The following SYNRG variants were observed in gnomAD, a reference collection of about 807,000 sequenced individuals.
The protein encoded by SYNRG is AP1 gamma subunit binding protein 1.
Under a neutral mutation model 130.9 loss-of-function variants are expected in SYNRG, and 37 were observed. The ratio of observed to expected loss-of-function variants is 0.28; its 90% CI spans 0.22 to 0.37. The LOEUF (loss-of-function observed/expected upper bound fraction) is 0.37, where lower values mean the gene tolerates loss of function less well. SYNRG is among the 10% of genes least tolerant of loss of function. The pLI is 1.00. For missense variants in SYNRG, 1,338 were observed against 1,588.9 expected, an observed-to-expected ratio of 0.84 and a Z score of 2.68; for synonymous variants, 539 against 568.1, an observed-to-expected ratio of 0.95 and a Z score of 0.73.
intron 2 of SYNRG, among the ~76,000 whole-genome samples, chr17:37,597,457 A>G (rs1055496838): frequency 2.0e-5 from 3 of 152,390 alleles, no homozygotes; most frequent in Middle Eastern, 3.4e-3. Context: ...TCTGGGAGCC[A>G]ACTAGAAATG....
chr17:37,589,566 C>G (rs954932999), intron 3 of SYNRG, among the ~76,000 whole-genome samples: 2 of 151,594 alleles, frequency 1.3e-5, no homozygotes, highest in South Asian at 4.2e-4. Context: ...CTGGCTAACA[C>G]GATGAAATCC....
At chr17:37,529,432 A>T (rs2056353445) in intron 19 of SYNRG, among the ~76,000 whole-genome samples, 1 of 151,588 alleles carries the variant, frequency 6.6e-6, no homozygotes, top group Admixed American at 6.6e-5. Context: ...GGAGTAGTCT[A>T]TATCTTGATA....
At chr17:37,585,785 A>G (rs1449206053) in intron 4 of SYNRG, among the ~76,000 whole-genome samples, 1 of 152,228 alleles carries the variant, frequency 6.6e-6, no homozygotes, top group Non-Finnish European at 1.5e-5. Flanking sequence ...TTGGGAAGGC[A>G]GTGTCATACA....
At chr17:37,608,827 A>C (rs1057181368) in intron 1 of SYNRG, among the ~76,000 whole-genome samples, 10 of 151,708 alleles carry the variant, frequency 6.6e-5, no homozygotes, top group East Asian at 1.9e-4. Context: ...CCACACACAC[A>C]CCCCCCTTGG....
Position 37,536,046 on chromosome 17 carries a change from T to G in SYNRG, c.3599A>C (p.Gln1200Pro). Residue 1200 changes from glutamine (Q) to proline (P), a missense_variant, in exon 19 of 22, where the codon CAG becomes CCG. Gln to Pro is a moderately conservative substitution (Grantham distance 76). Transcript: ENST00000612223. ...ATAVCSEKLQ[Q>P]LLKDIDKVWN... Reference sequence around the variant, plus strand: ...TACTTTATCGATGTCCTTCAGCAACTGCTGGAGTTTCTCACTGCACACTGC... The same window carrying G: ...TACTTTATCGATGTCCTTCAGCAACGGCTGGAGTTTCTCACTGCACACTGC... The G allele has an allele frequency of 6.2e-7, 1 of 1,614,216 alleles. No individual in the cohort carries two copies. Among genetic ancestry groups the G allele is most frequent in the African/African-American group, 1.3e-5 (1 of 75,072 alleles).
rs758583661 is a variant in SYNRG, at chr17:37,542,115, C to T, written c.3059G>A (p.Cys1020Tyr). ...TTGAAACTCTCCAAAGTCATCCGAA[C>T]ATTCGTTCGGGGTTTCTTGAGAGGC... ...SGASQETPNE[C>Y]SDDFGEFQSE... The change falls in exon 15 of 22, where the codon TGT becomes TAT. Residue 1020 changes from cysteine (C) to tyrosine (Y), a missense_variant. Cys to Tyr is a radical substitution (Grantham distance 194). Coordinates refer to ENST00000612223, the MANE Select transcript of SYNRG (RefSeq NM_007247.6). 6.2e-7 allele frequency: 1 copy of T among 1,614,208 alleles called. No individual in the cohort carries two copies. The highest frequency in any genetic ancestry group is 1.1e-5 in the South Asian group (1 of 91,092).
Position 37,596,213 on chromosome 17 carries a change from A to C in SYNRG, c.240+10T>G, listed in dbSNP as rs2062758322. On this transcript the variant is annotated intron_variant, in intron 3 of 21. Coordinates refer to ENST00000612223, the MANE Select transcript of SYNRG (RefSeq NM_007247.6). ...TAACTTTGTAAGAAACCAACTAAAG[A>C]AGCAAGTACCTGCATAGCAATAGGT... is the stretch of plus-strand genomic sequence containing the variant. The C allele has an allele frequency of 4.3e-6, 7 of 1,612,534 alleles. No individual in the cohort carries two copies. Among genetic ancestry groups the C allele is most frequent in the Middle Eastern group, 1.7e-4 (1 of 6,052 alleles).
At position 37,520,571 on chromosome 17, in the gene SYNRG, T is replaced by TC. The variant is rs1568238083; in HGVS notation, c.3743dup (p.Val1249SerfsTer22). 1 of 1,614,068 alleles carries TC rather than the reference T, an allele frequency of 6.2e-7. No individual in the cohort carries two copies. On this transcript the variant is annotated frameshift_variant, in exon 20 of 22. Coordinates refer to ENST00000612223, the MANE Select transcript of SYNRG (RefSeq NM_007247.6). LOFTEE classifies it high-confidence loss of function. Reference sequence around the variant, plus strand: ...TCGAGTCCACATTCAAGAGGCACACTCCACAGGCAAGCTCCTGAGCATTTT... The same window carrying TC: ...TCGAGTCCACATTCAAGAGGCACACTCCCACAGGCAAGCTCCTGAGCATTTT...
In SYNRG at chr17:37,553,925, T is replaced by C. The variant is rs140977056; in HGVS notation, c.1798A>G (p.Ile600Val). 88 of 1,611,568 alleles carry C rather than the reference T, an allele frequency of 5.5e-5. No individual in the cohort carries two copies. The African/African-American group carries it at 9.2e-4, about 17-fold the overall frequency. Residue 600 changes from isoleucine to valine, a missense_variant, in exon 14 of 22, where the codon ATA (isoleucine) becomes GTA (valine). Physicochemically the swap from Ile to Val is conservative, Grantham distance 29. This residue lies in a region of SYNRG where 1,146 missense variants were observed against 1,342.3 expected (regional missense o/e 0.85). Coordinates refer to ENST00000612223, the MANE Select transcript of SYNRG (RefSeq NM_007247.6). ...ACTTGTGTTTGTTGTTTCTGTTGTA[T>C]AGTTCCTGAGGGGAAGGATGGTGGA... The part of the protein sequence containing the change: ...TFPPSFPSGT[I>V]QQKQQTQVKN...
chr17:37,524,118 CA>C (rs936808169), intron 19 of SYNRG, among the ~76,000 whole-genome samples: 1 of 152,126 alleles, frequency 6.6e-6, no homozygotes, highest in Non-Finnish European at 1.5e-5. Context: ...GCCAGGCAGT[CA>C]AGCATCTGGG....
rs1239828330 is a variant in SYNRG, at chr17:37,561,255, G to A, written c.1603C>T (p.Pro535Ser). The change falls in exon 13 of 22, where the codon CCT becomes TCT. Residue 535 changes from proline (P) to serine (S), a missense_variant and splice_region_variant. Pro to Ser is a moderately conservative substitution (Grantham distance 74, BLOSUM62 -1). Transcript: ENST00000612223. ...SSENTVPPGD[P>S]GDKYSAFREL... ...CTGAAAGCACTATATTTATCACCAG[G>A]ATCTATGATAGAAAGGACAGAAGCT... 2.5e-6 allele frequency: 4 copies of A among 1,613,410 alleles called. No homozygotes were observed. In the Admixed American group the frequency reaches 6.7e-5, roughly 27 times the overall value.
At chr17:37,565,762 T>A (rs544599713) in intron 11 of SYNRG, among the ~76,000 whole-genome samples, 1 of 149,446 alleles carries the variant, frequency 6.7e-6, no homozygotes, top group East Asian at 2.0e-4. Flanking sequence ...GAGGAGCGTC[T>A]CTGCCCGGCC....
chr17:37,529,129 C>T (rs1422520851), intron 19 of SYNRG, among the ~76,000 whole-genome samples: 1 of 152,148 alleles, frequency 6.6e-6, no homozygotes, highest in Non-Finnish European at 1.5e-5. Context: ...GAAAAGGATG[C>T]TTGGAATGGG....
chr17:37,522,153 A>G (rs1386293203), intron 19 of SYNRG, among the ~76,000 whole-genome samples: 1 of 151,790 alleles, frequency 6.6e-6, no homozygotes, highest in Non-Finnish European at 1.5e-5. Flanking sequence ...ACACACACAC[A>G]CACAATGGTT....
rs762283992 is a variant in SYNRG, at chr17:37,553,560, A to G, written c.2163T>C (p.Pro721=). The G allele has an allele frequency of 2.5e-6, 4 of 1,614,230 alleles. No homozygotes were observed. The highest frequency in any genetic ancestry group is 3.4e-6 in the Non-Finnish European group (4 of 1,180,042). Reference sequence around the variant, plus strand: ...TGCCCACGTTGCTGGTTAGAGGAACAGGACTGGCTTCCTCTTTAAGGGCAT... The same window carrying G: ...TGCCCACGTTGCTGGTTAGAGGAACGGGACTGGCTTCCTCTTTAAGGGCAT... The part of the protein sequence containing the change: ...KYDALKEEAS[P]VPLTSNVGST... Residue 721 remains proline, a synonymous_variant, in exon 14 of 22, where the codon CCT becomes CCC. Coordinates refer to ENST00000612223, the MANE Select transcript of SYNRG (RefSeq NM_007247.6).
Position 37,600,136 on chromosome 17 carries a change from T to C in SYNRG, c.118+227A>G, listed in dbSNP as rs372283982. Among the ~76,000 whole-genome samples, 5 of 152,384 alleles carry C rather than the reference T, an allele frequency of 3.3e-5. No homozygotes were observed. The East Asian group carries it at 7.7e-4, about 23-fold the overall frequency. ...TTAAACAATCTATGAACATAATGTC[T>C]ATGTAAGTTTGGGAGAAACGAGGAG... On this transcript the variant is annotated intron_variant, in intron 2 of 21. Transcript: ENST00000612223.
Position 37,570,747 on chromosome 17 carries a change from T to C in SYNRG, c.1237A>G (p.Met413Val). The C allele has an allele frequency of 1.9e-6, 3 of 1,614,180 alleles. No homozygotes were observed. Among genetic ancestry groups the C allele is most frequent in the Non-Finnish European group, 2.5e-6 (3 of 1,180,038 alleles). ...TVIPSGPAGS[M>V]PLSLGQPVMG... ...ACTGGCTGTCCAAGGCTGAGGGGCATGGAGCCCGCAGGACCTGAAGGTATC... is the reference window on the plus strand; with the variant it reads ...ACTGGCTGTCCAAGGCTGAGGGGCACGGAGCCCGCAGGACCTGAAGGTATC... Residue 413 changes from methionine (M) to valine (V), a missense_variant, in exon 10 of 22, where the codon ATG becomes GTG. Met to Val is a conservative substitution (Grantham distance 21). This residue lies in a region of SYNRG where 1,146 missense variants were observed against 1,342.3 expected (regional missense o/e 0.85). Transcript: ENST00000612223.
In SYNRG at chr17:37,600,365, T is replaced by C; in HGVS notation, c.116A>G (p.Gln39Arg). 3 of 1,611,386 alleles carry C rather than the reference T, an allele frequency of 1.9e-6. No individual in the cohort carries two copies. The highest frequency in any genetic ancestry group is 1.3e-5 in the African/African-American group (1 of 74,880). Residue 39 changes from glutamine (Q) to arginine (R), a missense_variant and splice_region_variant, in exon 2 of 22, where the codon CAA (glutamine) becomes CGA (arginine). Physicochemically the swap from Gln to Arg is conservative, Grantham distance 43 (BLOSUM62 1). Transcript: ENST00000612223. ...TCAAAACTTAAGCTCTCACATACCT[T>C]GAGGGGGTCTTATCCCACCTGCAAC... ...FPVAGGIRPP[Q>R]AGLMPMQQQG...
intron 1 of SYNRG, among the ~76,000 whole-genome samples, chr17:37,605,467 A>G (rs949582392): frequency 1.3e-5 from 2 of 152,242 alleles, no homozygotes; most frequent in African/African-American, 2.4e-5. Flanking sequence ...CAAGGCTGCT[A>G]AAGTCTCAGC....
Sources: gnomAD v4.1 joint callset for allele counts (sites outside exome capture counted in the v4.1 genomes callset) on GRCh38, gnomAD v4.1.1 for gene constraint, gnomAD v4.1.1 regional missense constraint, MANE v1.5 for transcripts, NCBI Gene and HGNC (gene_info 2026-07-23, HGNC 2026-07-21) for gene names.